Variants in PIP5K1B observed in about 807,000 individuals in gnomAD.
The protein encoded by PIP5K1B is phosphatidylinositol 4-phosphate 5-kinase type-1 beta.
A neutral mutation model predicts 67.0 loss-of-function variants in PIP5K1B; 42 were observed. That is an observed-to-expected ratio of 0.63 (90% CI 0.49 to 0.81). The LOEUF (loss-of-function observed/expected upper bound fraction) is 0.81, where lower values mean the gene tolerates loss of function less well. Among genes scored for constraint, PIP5K1B ranks in the 30% least tolerant of loss-of-function variants. The pLI, the probability that PIP5K1B is intolerant of heterozygous loss-of-function variation, is 0.00. For missense variants in PIP5K1B, 459 were observed against 646.3 expected, an observed-to-expected ratio of 0.71 and a Z score of 3.14; for synonymous variants, 214 against 231.4, an observed-to-expected ratio of 0.92 and a Z score of 0.68.
At chr9:68,893,333 CTTTTTT>C (rs397792694) in intron 7 of PIP5K1B, among the ~76,000 whole-genome samples, 1 of 110,954 alleles carries the variant, frequency 9.0e-6, no homozygotes, top group East Asian at 2.5e-4. Flanking sequence ...TATTTTTTTT[CTTTTTT>C]TTTTTTTTTT....
At chr9:68,921,103 C>T (rs929336588) in intron 11 of PIP5K1B, among the ~76,000 whole-genome samples, 15 of 152,070 alleles carry the variant, frequency 9.9e-5, no homozygotes, top group Non-Finnish European at 1.2e-4. Context: ...TTTTGTCCAC[C>T]GCTAAGGACT....
At chr9:68,840,938 C>T (rs1195430009) in intron 4 of PIP5K1B, among the ~76,000 whole-genome samples, 1 of 152,192 alleles carries the variant, frequency 6.6e-6, no homozygotes. Context: ...CAATGTCCTC[C>T]TCTGTGCATC....
intron 11 of PIP5K1B, among the ~76,000 whole-genome samples, chr9:68,922,489 C>T (rs917055195): frequency 8.8e-5 from 6 of 68,354 alleles, no homozygotes; most frequent in Admixed American, 3.4e-4. Flanking sequence ...CTATTGGAAT[C>T]CATAAGCCTG....
intron 8 of PIP5K1B, among the ~76,000 whole-genome samples, chr9:68,912,531 C>CT (rs1488674461): frequency 1.3e-5 from 2 of 152,128 alleles, no homozygotes; most frequent in Admixed American, 1.3e-4. Context: ...TAATTGAGTG[C>CT]TTTTTGTGTG....
chr9:68,863,655 G>A (rs967260743), intron 4 of PIP5K1B, among the ~76,000 whole-genome samples, 182 bp from the exon 5 acceptor site: 2 of 152,140 alleles, frequency 1.3e-5, no homozygotes, highest in African/African-American at 4.8e-5. Context: ...AAAAGAAAGA[G>A]CTTTAATGTT....
chr9:68,869,011 C>T (rs1036059044), intron 5 of PIP5K1B, among the ~76,000 whole-genome samples: 1 of 152,138 alleles, frequency 6.6e-6, no homozygotes, highest in African/African-American at 2.4e-5. Flanking sequence ...ACATATATGT[C>T]AAAGATTCAT....
chr9:68,988,444 G>GTTTC (rs1830190297), intron 14 of PIP5K1B, among the ~76,000 whole-genome samples: 1 of 109,990 alleles, frequency 9.1e-6, no homozygotes. Context: ...TTTTTTTGGG[G>GTTTC]TTTTTTTTTT....
At chr9:68,938,192 G>A (rs763429345) in intron 13 of PIP5K1B, among the ~76,000 whole-genome samples, 1 of 152,158 alleles carries the variant, frequency 6.6e-6, no homozygotes, top group African/African-American at 2.4e-5. Flanking sequence ...AATATTGACA[G>A]TGGGGTGCTA....
At chr9:68,947,051 C>T (rs907168951) in intron 14 of PIP5K1B, among the ~76,000 whole-genome samples, 6 of 152,196 alleles carry the variant, frequency 3.9e-5, no homozygotes, top group African/African-American at 1.2e-4. Flanking sequence ...TAATACCTTG[C>T]AGCTGCCGCA....
chr9:68,992,237 C>CA lies in PIP5K1B; in HGVS notation c.1620+981dup, dbSNP rs564909588. On this transcript the variant is annotated intron_variant, in intron 15 of 15. Coordinates refer to ENST00000265382, the MANE Select transcript of PIP5K1B (RefSeq NM_003558.4). ...TTGGCCTCCCAAAGTGCTGGGATTA[C>CA]AGGCATGAGCCACTGCACCCGGCCT... Among the ~76,000 whole-genome samples the CA allele has an allele frequency of 1.6e-3, 244 of 152,006 alleles. 3 individuals carry two copies. Among genetic ancestry groups the CA allele is most frequent in the African/African-American group, 5.6e-3 (233 of 41,482 alleles).
At chr9:68,914,980 G>A (rs1826027965) in intron 8 of PIP5K1B, among the ~76,000 whole-genome samples, 1 of 152,218 alleles carries the variant, frequency 6.6e-6, no homozygotes. Flanking sequence ...GAGCTAGTGT[G>A]AGGGATGAGT....
intron 1 of PIP5K1B, among the ~76,000 whole-genome samples, chr9:68,731,418 T>C (rs1828425615): frequency 6.6e-6 from 1 of 152,182 alleles, no homozygotes; most frequent in East Asian, 1.9e-4. Flanking sequence ...CCATAGATTA[T>C]TGAGAGGGTT....
intron 14 of PIP5K1B, among the ~76,000 whole-genome samples, chr9:68,983,999 A>G (rs1219384531): frequency 6.6e-6 from 1 of 152,194 alleles, no homozygotes; most frequent in Non-Finnish European, 1.5e-5. Context: ...AGGCTGCAGC[A>G]AGCCAAGATT....
intron 14 of PIP5K1B, among the ~76,000 whole-genome samples, chr9:68,973,532 A>G (rs1829493948): frequency 6.6e-6 from 1 of 152,256 alleles, no homozygotes; most frequent in East Asian, 1.9e-4. Flanking sequence ...TGTAAACATT[A>G]ATATTTGTAT....
intron 14 of PIP5K1B, among the ~76,000 whole-genome samples, chr9:68,941,582 A>G (rs959343191): frequency 6.6e-6 from 1 of 152,250 alleles, no homozygotes; most frequent in Non-Finnish European, 1.5e-5. Flanking sequence ...TGTTATAAAA[A>G]TAGAAACAAA....
intron 2 of PIP5K1B, among the ~76,000 whole-genome samples, chr9:68,804,451 G>A (rs1832758815): frequency 6.6e-6 from 1 of 152,140 alleles, no homozygotes. Context: ...AAGGAAATAA[G>A]CGAAGTCTTC....
intron 6 of PIP5K1B, 29 bp downstream of exon 6, chr9:68,876,823 A>C (rs746300209): frequency 9.2e-7 from 1 of 1,085,300 alleles, no homozygotes; most frequent in Non-Finnish European, 1.4e-6. Context: ...TCTTCCTTCT[A>C]TAGAAATGTG....
intron 14 of PIP5K1B, among the ~76,000 whole-genome samples, chr9:68,953,976 A>T (rs942725941): frequency 6.6e-6 from 1 of 151,862 alleles, no homozygotes; most frequent in Non-Finnish European, 1.5e-5. Context: ...TCTGGCAGGA[A>T]CAGGTGTCTT....
chr9:68,846,367 A>G (rs7021259), intron 4 of PIP5K1B, among the ~76,000 whole-genome samples: 8,863 of 152,234 alleles, frequency 0.058, 512 homozygotes, highest in African/African-American at 0.14. Context: ...AAATAACTCA[A>G]TTATTAAAGG....
Sources: allele counts gnomAD v4.1 joint callset (sites outside exome capture counted in the v4.1 genomes callset), GRCh38; gene constraint gnomAD v4.1.1; transcripts MANE v1.5; gene names NCBI Gene and HGNC (gene_info 2026-07-23, HGNC 2026-07-21).